Variants in TRIM67 observed in about 807,000 individuals in gnomAD.
The protein encoded by TRIM67 is tripartite motif containing 67.
TRIM67 carries 39 observed loss-of-function variants against 71.0 expected under a neutral mutation model. The ratio of observed to expected loss-of-function variants is 0.55; its 90% CI spans 0.43 to 0.72. TRIM67 has a LOEUF of 0.72. Among genes scored for constraint, TRIM67 ranks in the 30% least tolerant of loss-of-function variants. The pLI is 0.00. For synonymous variants in TRIM67, 481 were observed against 473.9 expected, an observed-to-expected ratio of 1.01 and a Z score of -0.19; for missense variants, 973 against 1,079.2, an observed-to-expected ratio of 0.90 and a Z score of 1.38.
chr1:231,186,832 T>A (rs541821221), intron 1 of TRIM67, among the ~76,000 whole-genome samples: 2 of 152,216 alleles, frequency 1.3e-5, no homozygotes, highest in South Asian at 2.1e-4. Context: ...CATTTGAAAA[T>A]GCCAGGCAGC....
intron 9 of TRIM67, 23 bp downstream of exon 9, chr1:231,214,000 A>G (rs758498476): frequency 6.3e-7 from 1 of 1,589,854 alleles, no homozygotes; most frequent in South Asian, 1.2e-5. Context: ...CCAGGGCCGG[A>G]CCTGGTCTGG....
At chr1:231,175,578 G>A (rs747863317) in intron 1 of TRIM67, among the ~76,000 whole-genome samples, 20 of 152,322 alleles carry the variant, frequency 1.3e-4, no homozygotes, top group South Asian at 2.1e-4. Flanking sequence ...ACACGCAGCC[G>A]GCTGCATTAC....
chr1:231,191,973 G>T (rs1683241509), intron 1 of TRIM67, among the ~76,000 whole-genome samples: 1 of 152,232 alleles, frequency 6.6e-6, no homozygotes, highest in Admixed American at 6.5e-5. Context: ...CAGTGGGGCA[G>T]CAGGGCAGGG....
rs575808141 is a variant in TRIM67 at position 231,198,925 on chromosome 1, T to C, written c.1141-122T>C. 13 of 1,486,418 alleles carry C rather than the reference T, an allele frequency of 8.7e-6. No individual in the cohort carries two copies. In the South Asian group the frequency reaches 1.5e-4, roughly 17 times the overall value. The allele number at this position is 1,486,418 out of a possible 1,614,324, so 92.1% of individuals were successfully genotyped here. On this transcript the variant is annotated intron_variant, in intron 2 of 9. Coordinates refer to ENST00000366653, the MANE Select transcript of TRIM67 (RefSeq NM_001004342.5). ...AAATATTGTCTCTAATTTAACAACA[T>C]TATAGAGAAATCTAGGATGAACTTC...
In TRIM67 at chr1:231,215,613, C is replaced by T. The variant is rs1683995467; in HGVS notation, c.*173C>T. The stretch of plus-strand genomic sequence containing the variant: ...TTCTTGGGGACGCAGGGAATGGGTC[C>T]ACGGGCCATGCTCACAGCTGCCACT... On this transcript the variant is annotated 3_prime_UTR_variant, in exon 10 of 10. Coordinates refer to ENST00000366653, the MANE Select transcript of TRIM67 (RefSeq NM_001004342.5). 2.2e-6 allele frequency: 3 copies of T among 1,388,454 alleles called. No individual in the cohort carries two copies. The highest frequency in any genetic ancestry group is 2.8e-6 in the Non-Finnish European group (3 of 1,068,326). The allele number at this position is 1,388,454 out of a possible 1,614,324, so 86.0% of individuals were successfully genotyped here.
At position 231,219,298 on chromosome 1, in the gene TRIM67, C is replaced by T. The variant is rs923890113; in HGVS notation, c.*3858C>T. 10 of 982,488 alleles carry T rather than the reference C, an allele frequency of 1.0e-5. No individual in the cohort carries two copies. The African/African-American group carries it at 1.0e-4, about 10-fold the overall frequency. The allele number at this position is 982,488 out of a possible 1,614,324, so 60.9% of individuals were successfully genotyped here. The stretch of plus-strand genomic sequence containing the variant: ...GCAACCCCCAAGTTAGGTGTGACAA[C>T]CAAAAGTATCTGTCGACATTGCTAG... On this transcript the variant is annotated 3_prime_UTR_variant, in exon 10 of 10. Transcript: ENST00000366653.
chr1:231,220,161 C>T lies in TRIM67; in HGVS notation c.*4721C>T, dbSNP rs1475676562. 5.1e-6 allele frequency: 2 copies of T among 389,420 alleles called. No individual in the cohort carries two copies. The highest frequency in any genetic ancestry group is 9.7e-6 in the Non-Finnish European group (2 of 206,552). 24.1% of individuals were successfully genotyped at this position (389,420 alleles called of 1,614,324 possible). A position where few individuals can be genotyped will look rare whatever the true frequency, so the allele number is the denominator to read the frequency against. Reference sequence around the variant, plus strand: ...AATGATTCCCATTCAGTGACTCAAACCTGTGGGGGGCGTTCCAGTGTTCTC... The same window carrying T: ...AATGATTCCCATTCAGTGACTCAAATCTGTGGGGGGCGTTCCAGTGTTCTC... On this transcript the variant is annotated 3_prime_UTR_variant, in exon 10 of 10. Transcript: ENST00000366653.
chr1:231,168,416 C>G (rs896664457), intron 1 of TRIM67, among the ~76,000 whole-genome samples: 1 of 152,196 alleles, frequency 6.6e-6, no homozygotes, highest in Admixed American at 6.5e-5. Context: ...TATGCCTACA[C>G]TTTTAATTAT....
intron 1 of TRIM67, among the ~76,000 whole-genome samples, chr1:231,189,958 A>G (rs1195866140): frequency 1.3e-5 from 2 of 152,212 alleles, no homozygotes; most frequent in Admixed American, 6.5e-5. Context: ...AGCCTCCAGA[A>G]GGAACCAGCC....
chr1:231,170,142 A>C (rs998354921), intron 1 of TRIM67, among the ~76,000 whole-genome samples: 3 of 152,022 alleles, frequency 2.0e-5, no homozygotes, highest in Non-Finnish European at 4.4e-5. Context: ...ATGTACCACC[A>C]TGCCCAGCTA....
intron 1 of TRIM67, among the ~76,000 whole-genome samples, chr1:231,171,754 G>A (rs1299356819): frequency 6.6e-6 from 1 of 152,172 alleles, no homozygotes; most frequent in Non-Finnish European, 1.5e-5. Flanking sequence ...GGAAACTTGA[G>A]AAGAAGGGGT....
chr1:231,185,111 CT>C, intron 1 of TRIM67: 1 of 1,532,936 alleles, frequency 6.5e-7, no homozygotes, highest in South Asian at 1.2e-5. Flanking sequence ...CTGCTGGCTC[CT>C]AAATCCGAGT....
intron 5 of TRIM67, among the ~76,000 whole-genome samples, chr1:231,202,095 AT>A (rs1683550203): frequency 6.7e-3 from 15 of 2,240 alleles, no homozygotes; most frequent in African/African-American, 8.3e-3. Context: ...GGCTAAGATA[AT>A]GGAGGAGGAG....
At position 231,218,774 on chromosome 1, in the gene TRIM67, G is replaced by A. The variant is rs1051139413; in HGVS notation, c.*3334G>A. ...GTGCCCTATGGCCCACCAAGTTTGA[G>A]GAGGGTGGTGCTTTCCGGATTGAGC... On this transcript the variant is annotated 3_prime_UTR_variant, in exon 10 of 10. Coordinates refer to ENST00000366653, the MANE Select transcript of TRIM67 (RefSeq NM_001004342.5). 1.0e-6 allele frequency: 1 copy of A among 985,296 alleles called. No homozygotes were observed. Among genetic ancestry groups the A allele is most frequent in the African/African-American group, 1.7e-5 (1 of 57,222 alleles). 61.0% of individuals were successfully genotyped at this position (985,296 alleles called of 1,614,324 possible). A position where few individuals can be genotyped will look rare whatever the true frequency, so the allele number is the denominator to read the frequency against.
chr1:231,219,473 C>G lies in TRIM67; in HGVS notation c.*4033C>G, dbSNP rs1684090193. On this transcript the variant is annotated 3_prime_UTR_variant, in exon 10 of 10. Coordinates refer to ENST00000366653, the MANE Select transcript of TRIM67 (RefSeq NM_001004342.5). ...AAAGCTGCCAGCCTTTATCTTGATA[C>G]CCAAGCCCAGGATTTTCCATGTGTC... 3 of 1,052,662 alleles carry G rather than the reference C, an allele frequency of 2.8e-6. No homozygotes were observed. In the Admixed American group the frequency reaches 1.5e-4, roughly 53 times the overall value. 65.2% of individuals were successfully genotyped at this position (1,052,662 alleles called of 1,614,324 possible).
At chr1:231,167,340 T>TTTTTTTTTTTTTTTTTTTTTTTTTG (rs1682499645) in intron 1 of TRIM67, among the ~76,000 whole-genome samples, 1 of 75,334 alleles carries the variant, frequency 1.3e-5, no homozygotes. Context: ...TTTTTTTTTT[T>TTTTTTTTTTTTTTTTTTTTTTTTTG]GAGACGGAGT....
Position 231,218,447 on chromosome 1 carries a change from A to G in TRIM67, c.*3007A>G, listed in dbSNP as rs1684068508. 1.0e-6 allele frequency: 1 copy of G among 985,582 alleles called. No individual in the cohort carries two copies. Among genetic ancestry groups the G allele is most frequent in the Non-Finnish European group, 1.2e-6 (1 of 830,058 alleles). The allele number at this position is 985,582 out of a possible 1,614,324, so 61.1% of individuals were successfully genotyped here. ...TGTGGTTCTGCAGTTGTTCTTTGCT[A>G]GTGAGCAAGCTTGGTCAAAGTGTAT... On this transcript the variant is annotated 3_prime_UTR_variant, in exon 10 of 10. Transcript: ENST00000366653.
At chr1:231,196,922 C>T (rs765869088) in intron 1 of TRIM67, among the ~76,000 whole-genome samples, 19 of 152,314 alleles carry the variant, frequency 1.2e-4, no homozygotes, top group Non-Finnish European at 2.4e-4. Context: ...GCATACCAGG[C>T]CCCAGGGTTT....
chr1:231,193,511 T>TCTCTCG (rs1553325688), intron 1 of TRIM67, among the ~76,000 whole-genome samples: 1 of 131,904 alleles, frequency 7.6e-6, no homozygotes, highest in Non-Finnish European at 1.5e-5. Flanking sequence ...AAGCTCTCTC[T>TCTCTCG]CTCTCTCTCT....
Sources: allele counts gnomAD v4.1 joint callset (sites outside exome capture counted in the v4.1 genomes callset), GRCh38; gene constraint gnomAD v4.1.1; transcripts MANE v1.5; gene names NCBI Gene and HGNC (gene_info 2026-07-23, HGNC 2026-07-21).